Variants in ROCK1 observed in about 807,000 individuals in gnomAD.
The protein encoded by ROCK1 is Rho associated coiled-coil containing protein kinase 1, also known as rho-associated protein kinase 1.
ROCK1 carries 36 observed loss-of-function variants against 196.8 expected under a neutral mutation model. The ratio of observed to expected loss-of-function variants is 0.18; its 90% CI spans 0.14 to 0.24. ROCK1 has a LOEUF of 0.24. ROCK1 is among the 10% of genes least tolerant of loss of function. ROCK1 has a pLI of 1.00. For missense variants in ROCK1, 920 were observed against 1,562.0 expected (o/e 0.59, Z 6.93); for synonymous variants, 443 against 515.9 (o/e 0.86, Z 1.91).
intron 29 of ROCK1, among the ~76,000 whole-genome samples, chr18:20,956,238 T>A (rs2035240916): frequency 1.3e-5 from 2 of 152,214 alleles, no homozygotes; most frequent in South Asian, 4.1e-4. Flanking sequence ...AAAGAAAAGA[T>A]AAGAAATGGT....
chr18:20,982,510 C>T (rs1289294171), intron 21 of ROCK1, among the ~76,000 whole-genome samples: 1 of 152,134 alleles, frequency 6.6e-6, no homozygotes, highest in Non-Finnish European at 1.5e-5. Context: ...CCTCGGCCTC[C>T]CAAAGTGCTG....
chr18:21,023,617 T>C lies in ROCK1; in HGVS notation c.1272+3A>G. ...ATTTTCTTAATACTAAGAAAATACC[T>C]ACCAAGCTTTTATCTGCATTGGAGC... is the stretch of plus-strand genomic sequence containing the variant. On this transcript the variant is annotated splice_donor_region_variant and intron_variant, in intron 11 of 32. Coordinates refer to ENST00000399799, the MANE Select transcript of ROCK1 (RefSeq NM_005406.3). 1 of 1,513,376 alleles carries C rather than the reference T, an allele frequency of 6.6e-7. No individual in the cohort carries two copies. Among genetic ancestry groups the C allele is most frequent in the Non-Finnish European group, 9.0e-7 (1 of 1,110,998 alleles). 93.7% of individuals were successfully genotyped at this position (1,513,376 alleles called of 1,614,324 possible). A position where few individuals can be genotyped will look rare whatever the true frequency, so the allele number is the denominator to read the frequency against.
intron 20 of ROCK1, among the ~76,000 whole-genome samples, 186 bp from the exon 21 acceptor site, chr18:20,983,018 T>C (rs1419532464): frequency 6.6e-6 from 1 of 152,084 alleles, no homozygotes; most frequent in East Asian, 1.9e-4. Context: ...TCTATCTTGC[T>C]CCTTATAAAA....
chr18:20,959,844 T>G lies in ROCK1; in HGVS notation c.3508A>C (p.Ile1170Leu). Residue 1170 changes from isoleucine (I) to leucine (L), a missense_variant, in exon 29 of 33, where the codon ATA becomes CTA. This residue lies in a region of ROCK1 where 116 missense variants were observed against 204.2 expected (regional missense o/e 0.57). Transcript: ENST00000399799. ...EQSNPSMVLD[I>L]DKLFHVRPVT... ...ATTCAATCAAAGGCAACTTACTCTA[T>G]GTCCAATACCATAGATGGATTGGAT... The G allele has an allele frequency of 1.3e-6, 2 of 1,561,806 alleles. No individual in the cohort carries two copies. The highest frequency in any genetic ancestry group is 1.7e-6 in the Non-Finnish European group (2 of 1,155,422).
chr18:20,984,393 T>C lies in ROCK1; in HGVS notation c.2447A>G (p.Glu816Gly), dbSNP rs765152877. ...CTCAAATTCTAATAATCTCTTTGCT[T>C]CCAATAAAGTATTTATTTCCTGTTT... The part of the protein sequence containing the change: ...QMKQEINTLL[E>G]AKRLLEFELA... Residue 816 changes from glutamate to glycine, a missense_variant, in exon 20 of 33, where the codon GAA (glutamate) becomes GGA (glycine). Around this residue, in one of 6 missense-constraint regions of ROCK1, gnomAD observed 520 missense variants for 657.1 expected, o/e 0.79. Transcript: ENST00000399799. The C allele has an allele frequency of 1.2e-6, 2 of 1,610,560 alleles. No individual in the cohort carries two copies. The highest frequency in any genetic ancestry group is 1.1e-5 in the South Asian group (1 of 90,670).
rs1217175953 is a variant in ROCK1 at position 20,948,434 on chromosome 18, C to A, written c.*2950G>T. The A allele has an allele frequency of 6.6e-6, 1 of 151,288 alleles. No homozygotes were observed. Among genetic ancestry groups the A allele is most frequent in the Non-Finnish European group, 1.5e-5 (1 of 68,030 alleles). 9.4% of individuals were successfully genotyped at this position (151,288 alleles called of 1,614,324 possible). ...GAAAGTTAACTATGAATTACAAACTCAAGTAACTATGAGTTTGTCATTTAA... is the reference window on the plus strand; with the variant it reads ...GAAAGTTAACTATGAATTACAAACTAAAGTAACTATGAGTTTGTCATTTAA... On this transcript the variant is annotated 3_prime_UTR_variant, in exon 33 of 33. Coordinates refer to ENST00000399799, the MANE Select transcript of ROCK1 (RefSeq NM_005406.3).
intron 21 of ROCK1, 152 bp from the exon 22 acceptor site, chr18:20,980,156 GTCTT>G: frequency 2.1e-6 from 2 of 960,906 alleles, no homozygotes; most frequent in Non-Finnish European, 2.8e-6. Flanking sequence ...TCAACACCTA[GTCTT>G]ACACATGAAT....
intron 16 of ROCK1, 96 bp from the exon 17 acceptor site, chr18:20,993,033 G>A: frequency 1.5e-6 from 1 of 672,658 alleles, no homozygotes; most frequent in Non-Finnish European, 2.5e-6. Context: ...TTTTTTTAAT[G>A]TATTAAGTTT....
At chr18:21,090,552 G>T (rs74861411) in intron 1 of ROCK1, among the ~76,000 whole-genome samples, 1 of 152,102 alleles carries the variant, frequency 6.6e-6, no homozygotes, top group East Asian at 1.9e-4. Context: ...CTGGGGTGGG[G>T]AGCAGAATAT....
intron 1 of ROCK1, among the ~76,000 whole-genome samples, chr18:21,093,447 C>T (rs1275212265): frequency 6.6e-6 from 1 of 152,146 alleles, no homozygotes; most frequent in African/African-American, 2.4e-5. Context: ...CTCAGTACCC[C>T]ATGAAATAAA....
intron 11 of ROCK1, among the ~76,000 whole-genome samples, chr18:21,023,055 A>G (rs1440331553): frequency 6.6e-6 from 1 of 152,148 alleles, no homozygotes; most frequent in Non-Finnish European, 1.5e-5. Context: ...TCATTGAGAC[A>G]GAAAGTAGAA....
At chr18:21,031,880 G>A (rs1825774541) in intron 9 of ROCK1, among the ~76,000 whole-genome samples, 1 of 151,970 alleles carries the variant, frequency 6.6e-6, no homozygotes, top group Admixed American at 6.6e-5. Context: ...TGAACAGGCA[G>A]AGGAAAAAAA....
chr18:20,976,976 C>T (rs1045693553), intron 22 of ROCK1, among the ~76,000 whole-genome samples: 1 of 152,158 alleles, frequency 6.6e-6, no homozygotes, highest in African/African-American at 2.4e-5. Flanking sequence ...ATCTACAAAT[C>T]CTACTTCTTT....
At chr18:21,063,857 T>C (rs1489848293) in intron 2 of ROCK1, among the ~76,000 whole-genome samples, 1 of 152,214 alleles carries the variant, frequency 6.6e-6, no homozygotes, top group East Asian at 1.9e-4. Flanking sequence ...CTTATCAGTC[T>C]TTTCTTTGGT....
chr18:21,109,979 T>C (rs1281614634), intron 1 of ROCK1, among the ~76,000 whole-genome samples: 1 of 152,166 alleles, frequency 6.6e-6, no homozygotes, highest in Admixed American at 6.5e-5. Flanking sequence ...ATATAACCCT[T>C]AGTTGTTCAG....
At chr18:21,105,825 G>A (rs1053808760) in intron 1 of ROCK1, among the ~76,000 whole-genome samples, 1 of 152,124 alleles carries the variant, frequency 6.6e-6, no homozygotes, top group Non-Finnish European at 1.5e-5. Context: ...CATGTACATA[G>A]AGATAATAAT....
At chr18:21,025,728 T>A (rs2035950020) in intron 10 of ROCK1, among the ~76,000 whole-genome samples, 1 of 152,180 alleles carries the variant, frequency 6.6e-6, no homozygotes, top group Non-Finnish European at 1.5e-5. Flanking sequence ...AGAGTGAGAC[T>A]CTTGTTTCAA....
intron 22 of ROCK1, among the ~76,000 whole-genome samples, 185 bp from the exon 23 acceptor site, chr18:20,970,698 A>G (rs1453532308): frequency 6.6e-6 from 1 of 152,354 alleles, no homozygotes; most frequent in East Asian, 1.9e-4. Flanking sequence ...CATGTTGAAA[A>G]ATTATAAAAG....
At chr18:20,973,122 ACC>A (rs1335074988) in intron 22 of ROCK1, among the ~76,000 whole-genome samples, 1 of 151,644 alleles carries the variant, frequency 6.6e-6, no homozygotes, top group Non-Finnish European at 1.5e-5. Flanking sequence ...CAGGGAATCC[ACC>A]CGCCTTGGCC....
Sources: allele counts gnomAD v4.1 joint callset (sites outside exome capture counted in the v4.1 genomes callset), GRCh38; gene constraint gnomAD v4.1.1; regional missense constraint gnomAD v4.1.1; transcripts MANE v1.5; gene names NCBI Gene and HGNC (gene_info 2026-07-23, HGNC 2026-07-21).